The following DPP10 variants were observed in gnomAD, a reference collection of about 807,000 sequenced individuals.
The protein encoded by DPP10 is inactive dipeptidyl peptidase 10.
In DPP10, 33 loss-of-function variants were observed where a neutral mutation model predicts 120.9. The ratio of observed to expected loss-of-function variants is 0.27; its 90% CI spans 0.21 to 0.37. The LOEUF is 0.37. Ranked by LOEUF, DPP10 falls within the 10% of genes least tolerant of loss-of-function variation. The pLI is 1.00. For synonymous variants in DPP10, 337 were observed against 326.1 expected (o/e 1.03, Z -0.36); for missense variants, 816 against 942.8 (o/e 0.87, Z 1.76).
chr2:115,740,748 T>C (rs1677157919), intron 9 of DPP10, among the ~76,000 whole-genome samples: 1 of 152,128 alleles, frequency 6.6e-6, no homozygotes, highest in Non-Finnish European at 1.5e-5. Context: ...GCTCGAGATC[T>C]CTTTTAAACA....
At chr2:115,283,215 C>T (rs79276550) in intron 1 of DPP10, among the ~76,000 whole-genome samples, 3,700 of 151,924 alleles carry the variant, frequency 0.024, 148 homozygotes, top group African/African-American at 0.084. Flanking sequence ...CACTCAATTA[C>T]GGTATTATAA....
intron 1 of DPP10, among the ~76,000 whole-genome samples, chr2:114,966,660 A>G (rs553371178): frequency 3.1e-4 from 47 of 152,342 alleles, no homozygotes; most frequent in Non-Finnish European, 5.4e-4. Context: ...ACAGCACCAC[A>G]CACAACAATG....
chr2:115,695,488 A>G (rs113986270), intron 7 of DPP10, among the ~76,000 whole-genome samples: 1 of 152,150 alleles, frequency 6.6e-6, no homozygotes, highest in African/African-American at 2.4e-5. Context: ...CACGTCTTAC[A>G]TGGCAGTGGG....
At chr2:114,774,802 T>A (rs564452733) in intron 1 of DPP10, among the ~76,000 whole-genome samples, 2 of 151,702 alleles carry the variant, frequency 1.3e-5, no homozygotes, top group Non-Finnish European at 2.9e-5. Context: ...AGGAACCTTA[T>A]AGAGGTAAGT....
intron 1 of DPP10, among the ~76,000 whole-genome samples, chr2:114,691,550 GT>G (rs759770363): frequency 6.6e-6 from 1 of 152,064 alleles, no homozygotes; most frequent in Non-Finnish European, 1.5e-5. Context: ...TCTCTGCCAG[GT>G]TTTTGTATCC....
chr2:115,122,836 A>G (rs2049893124), intron 1 of DPP10, among the ~76,000 whole-genome samples: 2 of 152,108 alleles, frequency 1.3e-5, no homozygotes, highest in South Asian at 4.1e-4. Flanking sequence ...CCTCAGGTCT[A>G]CTCTGTGCAG....
intron 5 of DPP10, among the ~76,000 whole-genome samples, chr2:115,537,580 T>TC (rs1385224526): frequency 4.6e-5 from 7 of 150,980 alleles, no homozygotes; most frequent in East Asian, 3.9e-4. Context: ...TTTTTTTTTT[T>TC]CTCATGGATC....
intron 11 of DPP10, 115 bp from the exon 12 acceptor site, chr2:115,762,457 T>C: frequency 2.1e-6 from 2 of 953,390 alleles, no homozygotes; most frequent in African/African-American, 1.6e-5. Context: ...TCTCATGGTG[T>C]TTCACCAGTT....
chr2:115,179,728 A>G (rs1475463151), intron 1 of DPP10, among the ~76,000 whole-genome samples: 1 of 152,168 alleles, frequency 6.6e-6, no homozygotes, highest in Non-Finnish European at 1.5e-5. Flanking sequence ...GAATTATTCT[A>G]AACTTGGCAA....
chr2:114,968,557 AT>A (rs1699190929), intron 1 of DPP10, among the ~76,000 whole-genome samples: 1 of 152,182 alleles, frequency 6.6e-6, no homozygotes, highest in Admixed American at 6.5e-5. Flanking sequence ...TGGTTTCTGC[AT>A]TTAGATGCTC....
intron 1 of DPP10, among the ~76,000 whole-genome samples, chr2:114,758,364 C>T (rs1487230006): frequency 6.6e-6 from 1 of 152,168 alleles, no homozygotes; most frequent in Non-Finnish European, 1.5e-5. Flanking sequence ...TGCCATTTCA[C>T]CCAATCATAT....
At chr2:115,018,770 A>C (rs1702854393) in intron 1 of DPP10, among the ~76,000 whole-genome samples, 1 of 152,146 alleles carries the variant, frequency 6.6e-6, no homozygotes, top group South Asian at 2.1e-4. Context: ...TAGATGATGG[A>C]CTGATGGGTG....
chr2:115,638,998 CA>C, intron 5 of DPP10, among the ~76,000 whole-genome samples: 1 of 152,158 alleles, frequency 6.6e-6, no homozygotes. Flanking sequence ...GGGGGCACTT[CA>C]GCAAGGTCTG....
At chr2:114,740,372 G>T in intron 1 of DPP10, among the ~76,000 whole-genome samples, 1 of 100,768 alleles carries the variant, frequency 9.9e-6, no homozygotes, top group Non-Finnish European at 1.9e-5. Context: ...TGGGGGGAGG[G>T]GGGAGGGATA....
rs550620959 is a variant in DPP10, at chr2:114,801,273, A to G, written c.60+358435A>G. Among the ~76,000 whole-genome samples, 315 of 77,840 alleles carry G rather than the reference A, an allele frequency of 4.0e-3. 7 individuals are homozygous for G. The highest frequency in any genetic ancestry group is 0.011 in the African/African-American group (293 of 26,980). The allele number at this position is 77,840 out of a possible 152,430, so 51.1% of individuals were successfully genotyped here. On this transcript the variant is annotated intron_variant, in intron 1 of 25. Coordinates refer to ENST00000410059, the MANE Select transcript of DPP10 (RefSeq NM_020868.6). ...ACGAGACTCTGTATCAAAAAAAAAA[A>G]AAAAAAGAAAAAAAGAAAGAAAGAA...
chr2:115,058,664 G>A (rs986246264), intron 1 of DPP10, among the ~76,000 whole-genome samples: 6 of 152,168 alleles, frequency 3.9e-5, no homozygotes, highest in Non-Finnish European at 2.9e-5. Context: ...ACCTCCCAAA[G>A]TGCAGGGATT....
intron 1 of DPP10, among the ~76,000 whole-genome samples, chr2:114,558,712 T>A (rs989011300): frequency 2.6e-5 from 4 of 152,220 alleles, no homozygotes; most frequent in African/African-American, 9.6e-5. Context: ...GTGTGAGTGC[T>A]GTAGAGTATT....
At chr2:114,527,854 AC>A (rs1158118428) in intron 1 of DPP10, among the ~76,000 whole-genome samples, 1 of 152,206 alleles carries the variant, frequency 6.6e-6, no homozygotes, top group East Asian at 1.9e-4. Context: ...CAATTGTAGC[AC>A]AATGATAAGC....
At chr2:115,353,969 A>G (rs966842563) in intron 3 of DPP10, among the ~76,000 whole-genome samples, 1 of 152,164 alleles carries the variant, frequency 6.6e-6, no homozygotes. Context: ...GTAGATAAGA[A>G]TAAGGAAAGA....
Sources: gnomAD v4.1 joint callset for allele counts (sites outside exome capture counted in the v4.1 genomes callset) on GRCh38, gnomAD v4.1.1 for gene constraint, MANE v1.5 for transcripts, NCBI Gene and HGNC (gene_info 2026-07-23, HGNC 2026-07-21) for gene names.